Variants in NAV2 observed in about 807,000 individuals in gnomAD.
NAV2 encodes the protein helicase, APC down-regulated 1.
Under a neutral mutation model 223.2 loss-of-function variants are expected in NAV2, and 54 were observed. The observed-to-expected ratio is 0.24, with a 90% CI of 0.19 to 0.30. The LOEUF (loss-of-function observed/expected upper bound fraction) is 0.30, where lower values mean the gene tolerates loss of function less well. Among genes scored for constraint, NAV2 ranks in the 10% least tolerant of loss-of-function variants. The pLI, the probability that NAV2 is intolerant of heterozygous loss-of-function variation, is 1.00. For missense variants in NAV2, 2,806 were observed against 3,147.5 expected, an observed-to-expected ratio of 0.89 and a Z score of 2.60; for synonymous variants, 1,279 against 1,239.3, an observed-to-expected ratio of 1.03 and a Z score of -0.67.
chr11:19,470,503 C>CA (rs2041930017), intron 1 of NAV2, among the ~76,000 whole-genome samples: 1 of 152,086 alleles, frequency 6.6e-6, no homozygotes, highest in Non-Finnish European at 1.5e-5. Context: ...TATCCCATGG[C>CA]AAAGGAGAGA....
At chr11:19,534,582 A>G (rs2044129070) in intron 1 of NAV2, among the ~76,000 whole-genome samples, 2 of 152,206 alleles carry the variant, frequency 1.3e-5, no homozygotes, top group South Asian at 4.1e-4. Flanking sequence ...CAGTTTGAGG[A>G]AAGGAGGATC....
intron 1 of NAV2, among the ~76,000 whole-genome samples, chr11:19,509,735 A>G (rs2043219910): frequency 6.6e-6 from 1 of 152,190 alleles, no homozygotes; most frequent in Non-Finnish European, 1.5e-5. Flanking sequence ...CTAAAGCCTT[A>G]GAATCACTGC....
intron 1 of NAV2, among the ~76,000 whole-genome samples, chr11:19,691,323 T>G (rs2049168204): frequency 6.6e-6 from 1 of 152,220 alleles, no homozygotes; most frequent in South Asian, 2.1e-4. Context: ...TCCAAAATAT[T>G]CCCATTTCAA....
intron 1 of NAV2, among the ~76,000 whole-genome samples, chr11:19,585,281 G>A (rs189302192): frequency 5.1e-4 from 78 of 152,192 alleles, no homozygotes; most frequent in African/African-American, 1.3e-3. Context: ...GTCTCTACCC[G>A]TGAGATGGGT....
intron 1 of NAV2, among the ~76,000 whole-genome samples, chr11:19,814,219 C>G (rs141473005): frequency 4.4e-4 from 67 of 152,222 alleles, no homozygotes; most frequent in Middle Eastern, 3.4e-3. Flanking sequence ...GCAGGTTTCG[C>G]TTGTTTTCTT....
chr11:19,815,050 C>T (rs1007224696), intron 1 of NAV2, among the ~76,000 whole-genome samples: 2 of 152,154 alleles, frequency 1.3e-5, no homozygotes, highest in Non-Finnish European at 2.9e-5. Flanking sequence ...ACCCGCAAAG[C>T]ATTTGCTTTG....
chr11:19,461,456 C>T (rs531773378), intron 1 of NAV2, among the ~76,000 whole-genome samples: 72 of 152,308 alleles, frequency 4.7e-4, no homozygotes, highest in Non-Finnish European at 7.8e-4. Flanking sequence ...TAGGCATTAA[C>T]GTGAGTTTCA....
chr11:20,111,901 T>C (rs1044446484), intron 36 of NAV2, among the ~76,000 whole-genome samples: 15 of 152,256 alleles, frequency 9.9e-5, no homozygotes, highest in South Asian at 2.1e-4. Flanking sequence ...TTGAAAACCA[T>C]GGTGCCAGAT....
At chr11:19,535,937 C>T (rs2044174191) in intron 1 of NAV2, among the ~76,000 whole-genome samples, 1 of 152,084 alleles carries the variant, frequency 6.6e-6, no homozygotes, top group African/African-American at 2.4e-5. Context: ...GCAGTGGCCA[C>T]AGATACATTA....
intron 1 of NAV2, among the ~76,000 whole-genome samples, chr11:19,575,742 C>T (rs539861480): frequency 3.3e-5 from 5 of 152,154 alleles, no homozygotes; most frequent in Admixed American, 1.3e-4. Flanking sequence ...TGGGAGCTCC[C>T]GATGGCCAGG....
At chr11:19,702,382 C>T (rs989570508) in intron 1 of NAV2, among the ~76,000 whole-genome samples, 2 of 152,174 alleles carry the variant, frequency 1.3e-5, no homozygotes, top group Non-Finnish European at 2.9e-5. Context: ...AGAAGGAGCT[C>T]AATTCTCCTG....
At chr11:19,589,578 T>C (rs911243807) in intron 1 of NAV2, among the ~76,000 whole-genome samples, 4 of 152,156 alleles carry the variant, frequency 2.6e-5, no homozygotes, top group African/African-American at 4.8e-5. Context: ...GGCATATCCA[T>C]ATCCACAATA....
chr11:19,904,720 A>G (rs918626077), intron 6 of NAV2, among the ~76,000 whole-genome samples: 2 of 152,100 alleles, frequency 1.3e-5, no homozygotes, highest in African/African-American at 4.8e-5. Context: ...CTTTGGCTCC[A>G]TATGTATATT....
chr11:19,989,268 G>A (rs1306765395), intron 11 of NAV2, among the ~76,000 whole-genome samples: 1 of 152,176 alleles, frequency 6.6e-6, no homozygotes, highest in Non-Finnish European at 1.5e-5. Flanking sequence ...GTGAAAGAGG[G>A]AGGCCAAGAG....
At chr11:19,621,280 A>G (rs548576822) in intron 1 of NAV2, among the ~76,000 whole-genome samples, 1 of 151,408 alleles carries the variant, frequency 6.6e-6, no homozygotes, top group African/African-American at 2.4e-5. Flanking sequence ...CCTCATAATT[A>G]GGGTGGATTC....
chr11:20,086,450 A>G (rs182457281), intron 26 of NAV2, among the ~76,000 whole-genome samples: 232 of 152,262 alleles, frequency 1.5e-3, no homozygotes, highest in Non-Finnish European at 2.7e-3. Flanking sequence ...ACTTGCATAA[A>G]CCAACATTCT....
intron 1 of NAV2, among the ~76,000 whole-genome samples, chr11:19,449,586 G>A (rs1306200885): frequency 7.2e-6 from 1 of 139,686 alleles, no homozygotes; most frequent in Non-Finnish European, 1.6e-5. Context: ...CTGACTGAGA[G>A]CAAGGGAAGA....
At chr11:19,671,841 C>T (rs993571720) in intron 1 of NAV2, among the ~76,000 whole-genome samples, 6 of 152,222 alleles carry the variant, frequency 3.9e-5, no homozygotes, top group African/African-American at 1.4e-4. Flanking sequence ...TTTGCCACCT[C>T]CTGGTTTAGG....
At chr11:19,685,440 G>C (rs1244734194) in intron 1 of NAV2, among the ~76,000 whole-genome samples, 4 of 152,064 alleles carry the variant, frequency 2.6e-5, no homozygotes, top group African/African-American at 7.2e-5. Context: ...ATATCTACTT[G>C]AGCAGGCCTG....
Sources: gnomAD v4.1 joint callset for allele counts (sites outside exome capture counted in the v4.1 genomes callset) on GRCh38, gnomAD v4.1.1 for gene constraint, MANE v1.5 for transcripts, NCBI Gene and HGNC (gene_info 2026-07-23, HGNC 2026-07-21) for gene names.